VWA2: variants seen among roughly 807,000 people sequenced by gnomAD.
VWA2 encodes the protein von Willebrand factor A domain-containing protein 2.
A neutral mutation model predicts 70.4 loss-of-function variants in VWA2; 73 were observed. That is an observed-to-expected ratio of 1.04 (90% CI 0.86 to 1.26). The LOEUF (loss-of-function observed/expected upper bound fraction) is 1.26, where lower values mean the gene tolerates loss of function less well. Ranked by LOEUF, VWA2 falls within the 50% of genes most tolerant of loss-of-function variation. VWA2 has a pLI of 0.00. For synonymous variants in VWA2, 407 were observed against 423.3 expected, an observed-to-expected ratio of 0.96 and a Z score of 0.47; for missense variants, 1,011 against 998.5, an observed-to-expected ratio of 1.01 and a Z score of -0.17.
intron 2 of VWA2, among the ~76,000 whole-genome samples, chr10:114,250,708 T>G (rs993398933): frequency 2.6e-5 from 4 of 152,198 alleles, no homozygotes; most frequent in Admixed American, 6.5e-5. Flanking sequence ...CCTCTGTCTC[T>G]GAGCCAGGTG....
At chr10:114,290,720 TC>T (rs1292124918) in intron 13 of VWA2, among the ~76,000 whole-genome samples, 1 of 140,726 alleles carries the variant, frequency 7.1e-6, no homozygotes, top group Non-Finnish European at 1.5e-5. Context: ...GCACAGTAGA[TC>T]CAGGGTACAG....
In VWA2 at chr10:114,290,285, A is replaced by T. The variant is rs960116745; in HGVS notation, c.2168A>T (p.Asn723Ile). The T allele has an allele frequency of 1.9e-6, 3 of 1,550,572 alleles. No individual in the cohort carries two copies. The Admixed American group carries it at 5.9e-5, about 30-fold the overall frequency. The change falls in exon 13 of 14, where the codon AAT (asparagine) becomes ATT (isoleucine). Residue 723 changes from asparagine (N) to isoleucine (I), a missense_variant. Coordinates refer to ENST00000392982, the MANE Select transcript of VWA2 (RefSeq NM_001272046.2). ...VNLCKPSPCMNEGSCVLQNGS... is the reference protein window; with the variant it reads ...VNLCKPSPCMIEGSCVLQNGS... ...CTCTGCAAACCCAGCCCGTGCATGA[A>T]TGAGGGCAGCTGCGTCCTGCAGAAT...
intron 1 of VWA2, among the ~76,000 whole-genome samples, chr10:114,245,612 A>C (rs976211529): frequency 6.6e-6 from 1 of 152,128 alleles, no homozygotes; most frequent in African/African-American, 2.4e-5. Flanking sequence ...AAGAGGGAAA[A>C]AAAAAATGTC....
chr10:114,250,387 A>C (rs2037170114), intron 2 of VWA2, among the ~76,000 whole-genome samples: 1 of 152,124 alleles, frequency 6.6e-6, no homozygotes, highest in African/African-American at 2.4e-5. Flanking sequence ...AAATATGAGA[A>C]GGTAGGAAGG....
intron 1 of VWA2, among the ~76,000 whole-genome samples, chr10:114,245,199 C>T (rs1377868768): frequency 6.6e-6 from 1 of 152,168 alleles, no homozygotes; most frequent in Admixed American, 6.5e-5. Context: ...TTTTAATGAG[C>T]AGAAACTTGG....
intron 1 of VWA2, among the ~76,000 whole-genome samples, chr10:114,247,336 T>A (rs2133284442): frequency 6.6e-6 from 1 of 152,264 alleles, no homozygotes; most frequent in African/African-American, 2.4e-5. Flanking sequence ...TGAGAGTGTA[T>A]AAAATAGGAA....
chr10:114,273,475 G>A (rs1375663613), intron 6 of VWA2, among the ~76,000 whole-genome samples: 1 of 152,150 alleles, frequency 6.6e-6, no homozygotes, highest in East Asian at 1.9e-4. Flanking sequence ...GCCCACTCTT[G>A]GGGCCAAGGG....
Position 114,286,017 on chromosome 10 carries a change from T to C in VWA2, c.1076T>C (p.Phe359Ser), listed in dbSNP as rs1418316594. 1.9e-6 allele frequency: 3 copies of C among 1,614,000 alleles called. No homozygotes were observed. The African/African-American group carries it at 4.0e-5, about 22-fold the overall frequency. The change falls in exon 11 of 14, where the codon TTC becomes TCC. Residue 359 changes from phenylalanine (F) to serine (S), a missense_variant. Coordinates refer to ENST00000392982, the MANE Select transcript of VWA2 (RefSeq NM_001272046.2). ...DSSAGTTLDGFLRAKVFVKRF... is the reference protein window; with the variant it reads ...DSSAGTTLDGSLRAKVFVKRF... ...TCTGCGGGCACCACTCTGGACGGCT[T>C]CCTGCGGGCCAAAGTCTTCGTGAAG...
intron 1 of VWA2, among the ~76,000 whole-genome samples, chr10:114,248,326 C>A (rs899800595): frequency 1.3e-5 from 2 of 152,110 alleles, no homozygotes; most frequent in Admixed American, 6.5e-5. Context: ...GAAATGGAGA[C>A]CCTGAGAAAG....
chr10:114,264,150 C>G (rs1315402121), intron 5 of VWA2, among the ~76,000 whole-genome samples: 1 of 152,232 alleles, frequency 6.6e-6, no homozygotes, highest in Non-Finnish European at 1.5e-5. Flanking sequence ...AATTCCACTT[C>G]AGGAGAGTTA....
Position 114,290,372 on chromosome 10 carries a change from G to A in VWA2, c.2248+7G>A. The A allele has an allele frequency of 1.3e-6, 2 of 1,550,426 alleles. No homozygotes were observed. The highest frequency in any genetic ancestry group is 8.7e-7 in the Non-Finnish European group (1 of 1,146,920). The stretch of plus-strand genomic sequence containing the variant: ...GGCCCCCACTGCGAGAACCGTGAGT[G>A]GAGCTCTTGCTCTGTATGTGTGAGC... On this transcript the variant is annotated splice_region_variant and intron_variant, in intron 13 of 13. Transcript: ENST00000392982.
intron 6 of VWA2, among the ~76,000 whole-genome samples, chr10:114,276,337 T>C (rs1285451651): frequency 1.3e-5 from 2 of 152,228 alleles, no homozygotes; most frequent in African/African-American, 4.8e-5. Flanking sequence ...GCACAGCCTG[T>C]GGCCCCACAC....
At chr10:114,249,641 C>T (rs531496412) in intron 2 of VWA2, among the ~76,000 whole-genome samples, 1 of 152,288 alleles carries the variant, frequency 6.6e-6, no homozygotes, top group Admixed American at 6.5e-5. Flanking sequence ...CTTCTAGCTC[C>T]ACCCATGTCC....
chr10:114,268,540 C>T (rs1359589570), intron 5 of VWA2, among the ~76,000 whole-genome samples: 1 of 152,134 alleles, frequency 6.6e-6, no homozygotes, highest in Admixed American at 6.5e-5. Flanking sequence ...CAGCGCCTGG[C>T]ACACGCTAAG....
At chr10:114,255,904 C>T (rs2037316541) in intron 4 of VWA2, among the ~76,000 whole-genome samples, 1 of 152,120 alleles carries the variant, frequency 6.6e-6, no homozygotes, top group African/African-American at 2.4e-5. Context: ...AAACCCTATG[C>T]CTAATATACA....
chr10:114,256,237 AT>A, intron 4 of VWA2, among the ~76,000 whole-genome samples: 1 of 152,344 alleles, frequency 6.6e-6, no homozygotes, highest in East Asian at 1.9e-4. Flanking sequence ...GGACAGATAA[AT>A]CCCTTATGAT....
chr10:114,286,182 C>T lies in VWA2; in HGVS notation c.1241C>T (p.Pro414Leu). The T allele has an allele frequency of 1.2e-6, 2 of 1,614,056 alleles. No individual in the cohort carries two copies. The highest frequency in any genetic ancestry group is 1.7e-6 in the Non-Finnish European group (2 of 1,179,996). ...PDLVWSLDGIPFRGGPTLTGS... is the reference protein window; with the variant it reads ...PDLVWSLDGILFRGGPTLTGS... The stretch of plus-strand genomic sequence containing the variant: ...CTGGTCTGGAGCCTCGATGGCATTC[C>T]CTTCCGTGGTGGCCCCACCCTGACG... The change falls in exon 11 of 14, where the codon CCC (proline) becomes CTC (leucine). Residue 414 changes from proline (P) to leucine (L), a missense_variant. Physicochemically the swap from Pro to Leu is moderately conservative, Grantham distance 98. Coordinates refer to ENST00000392982, the MANE Select transcript of VWA2 (RefSeq NM_001272046.2).
intron 1 of VWA2, chr10:114,246,709 C>CT: frequency 6.5e-7 from 1 of 1,546,522 alleles, no homozygotes. Context: ...AACTAGCAAA[C>CT]AGTCTTAGGA....
At chr10:114,275,398 T>C (rs1021033346) in intron 6 of VWA2, among the ~76,000 whole-genome samples, 1 of 152,240 alleles carries the variant, frequency 6.6e-6, no homozygotes, top group African/African-American at 2.4e-5. Context: ...CTTTGCCTCA[T>C]GGCCCTCTGC....
Sources: allele counts gnomAD v4.1 joint callset (sites outside exome capture counted in the v4.1 genomes callset), GRCh38; gene constraint gnomAD v4.1.1; transcripts MANE v1.5; gene names NCBI Gene and HGNC (gene_info 2026-07-23, HGNC 2026-07-21).